The following PNLIPRP3 variants were observed in gnomAD, a reference collection of about 807,000 sequenced individuals.
PNLIPRP3 encodes pancreatic lipase related protein 3.
In PNLIPRP3, 58 loss-of-function variants were observed where a neutral mutation model predicts 52.8. The observed-to-expected ratio is 1.10, with a 90% CI of 0.89 to 1.37. The LOEUF (loss-of-function observed/expected upper bound fraction) is 1.37, where lower values mean the gene tolerates loss of function less well. Ranked by LOEUF, PNLIPRP3 falls within the 40% of genes most tolerant of loss-of-function variation. The probability of loss-of-function intolerance (pLI) is 0.00; values close to 1 mark genes in which losing one functional copy is unlikely to be tolerated. For missense variants in PNLIPRP3, 593 were observed against 561.6 expected (o/e 1.06, Z -0.57); for synonymous variants, 192 against 185.0 (o/e 1.04, Z -0.31).
intron 4 of PNLIPRP3, among the ~76,000 whole-genome samples, chr10:116,455,089 T>A (rs1386849919): frequency 6.6e-6 from 1 of 152,238 alleles, no homozygotes; most frequent in East Asian, 1.9e-4. Context: ...TGAGGTGATA[T>A]CTCATTGTGA....
rs1897519 is a variant in PNLIPRP3, at chr10:116,471,851, A to G, written c.1144A>G (p.Arg382Gly). 1,596,220 of 1,606,252 alleles carry G rather than the reference A, an allele frequency of 0.99. 793,589 individuals carry two copies. Among genetic ancestry groups the G allele is most frequent in the East Asian group, 1 (44,744 of 44,744 alleles). The change falls in exon 10 of 12, where the codon AGG (arginine) becomes GGG (glycine). Residue 382 changes from arginine (R) to glycine (G), a missense_variant. By Grantham distance (125) the Arg-to-Gly change is moderately radical (BLOSUM62 -2). Coordinates refer to ENST00000369230, the MANE Select transcript of PNLIPRP3 (RefSeq NM_001011709.3). ...CTTTCTTCGTGTAGGCGGGGCAGTT[A>G]GGAAAACTGGGGAGTTTGCCATTGT... ...TVFLRVGGAV[R>G]KTGEFAIVSG...
chr10:116,433,492 A>C (rs1305858506), intron 1 of PNLIPRP3, among the ~76,000 whole-genome samples: 1 of 152,204 alleles, frequency 6.6e-6, no homozygotes, highest in Non-Finnish European at 1.5e-5. Context: ...TTAAAATAAC[A>C]ACGGGTTTTC....
intron 1 of PNLIPRP3, among the ~76,000 whole-genome samples, chr10:116,428,355 C>T (rs1424314659): frequency 6.6e-6 from 1 of 152,064 alleles, no homozygotes; most frequent in Non-Finnish European, 1.5e-5. Flanking sequence ...GCCGGACAGT[C>T]TTGTGTTGGG....
chr10:116,472,896 T>C lies in PNLIPRP3; in HGVS notation c.1172+1017T>C, dbSNP rs144234970. 8.4e-3 allele frequency among the ~76,000 whole-genome samples: 1,283 copies of C among 152,350 alleles called. 14 individuals are homozygous for C. Among genetic ancestry groups the C allele is most frequent in the African/African-American group, 0.029 (1,193 of 41,582 alleles). On this transcript the variant is annotated intron_variant, in intron 10 of 11. Coordinates refer to ENST00000369230, the MANE Select transcript of PNLIPRP3 (RefSeq NM_001011709.3). ...TTTCTTTGCTGCAGATACTTTTTCCTGTCTGCTATTTTGTTTCTACCTCTT... is the reference window on the plus strand; with the variant it reads ...TTTCTTTGCTGCAGATACTTTTTCCCGTCTGCTATTTTGTTTCTACCTCTT...
chr10:116,444,619 T>TG, intron 4 of PNLIPRP3, 106 bp downstream of exon 4: 1 of 1,110,010 alleles, frequency 9.0e-7, no homozygotes, highest in East Asian at 2.4e-5. Context: ...AGACAGGTAC[T>TG]GAACATGTGA....
At position 116,436,828 on chromosome 10, in the gene PNLIPRP3, T is replaced by C; in HGVS notation, c.167T>C (p.Phe56Ser). The C allele has an allele frequency of 6.2e-7, 1 of 1,613,280 alleles. No homozygotes were observed. Among genetic ancestry groups the C allele is most frequent in the South Asian group, 1.1e-5 (1 of 90,952 alleles). ...PWSPEKINTR[F>S]LLYTIHNPNA... Reference sequence around the variant, plus strand: ...TCTCCAGAGAAGATAAACACTCGTTTCCTGCTCTACACTATACACAATCCC... The same window carrying C: ...TCTCCAGAGAAGATAAACACTCGTTCCCTGCTCTACACTATACACAATCCC... Residue 56 changes from phenylalanine to serine, a missense_variant, in exon 2 of 12, where the codon TTC becomes TCC. Coordinates refer to ENST00000369230, the MANE Select transcript of PNLIPRP3 (RefSeq NM_001011709.3).
chr10:116,447,557 G>T (rs10885936), intron 4 of PNLIPRP3, among the ~76,000 whole-genome samples: 134,715 of 152,156 alleles, frequency 0.89, 60,632 homozygotes, highest in Non-Finnish European at 0.97. Flanking sequence ...TCAGGAGAAT[G>T]AATATTGCAT....
chr10:116,464,809 C>A (rs1344618568), intron 7 of PNLIPRP3, among the ~76,000 whole-genome samples: 1 of 152,250 alleles, frequency 6.6e-6, no homozygotes. Flanking sequence ...TGTTCCCACC[C>A]TCTGCACAGT....
intron 4 of PNLIPRP3, among the ~76,000 whole-genome samples, chr10:116,455,181 A>G (rs1350749039): frequency 6.6e-6 from 1 of 152,212 alleles, no homozygotes; most frequent in Non-Finnish European, 1.5e-5. Flanking sequence ...TCTTCTTTTG[A>G]TAACTATTCA....
intron 1 of PNLIPRP3, among the ~76,000 whole-genome samples, chr10:116,433,171 C>T (rs1845731690): frequency 9.1e-6 from 1 of 110,260 alleles, no homozygotes. Context: ...AAGCCTTTTC[C>T]AAACAAAACA....
At chr10:116,466,025 A>G (rs1846277203) in intron 7 of PNLIPRP3, 25 bp from the exon 8 acceptor site, 1 of 1,483,434 alleles carries the variant, frequency 6.7e-7, no homozygotes, top group Non-Finnish European at 9.4e-7. Flanking sequence ...AATTGCTATC[A>G]GTTAATTGGG....
At chr10:116,440,245 G>A (rs1329681734) in intron 2 of PNLIPRP3, among the ~76,000 whole-genome samples, 4 of 152,088 alleles carry the variant, frequency 2.6e-5, no homozygotes, top group Admixed American at 2.0e-4. Flanking sequence ...TATATAAGTG[G>A]CCATGCACTT....
intron 5 of PNLIPRP3, among the ~76,000 whole-genome samples, chr10:116,458,405 C>T (rs1471085307): frequency 1.3e-5 from 2 of 151,598 alleles, no homozygotes; most frequent in African/African-American, 4.8e-5. Flanking sequence ...TATCCTAGAA[C>T]AACAAATTCA....
chr10:116,469,764 A>G (rs1846336830), intron 9 of PNLIPRP3, among the ~76,000 whole-genome samples: 1 of 152,212 alleles, frequency 6.6e-6, no homozygotes, highest in South Asian at 2.1e-4. Flanking sequence ...GGGAGAGACA[A>G]ATCAGGTCAG....
intron 5 of PNLIPRP3, among the ~76,000 whole-genome samples, chr10:116,457,362 G>GCT (rs60476312): frequency 0.11 from 16,292 of 151,668 alleles, 2,122 homozygotes; most frequent in East Asian, 0.5. Context: ...GTACGTGCTC[G>GCT]CTCTCTCTCT....
intron 9 of PNLIPRP3, among the ~76,000 whole-genome samples, chr10:116,471,116 A>G (rs1447682632): frequency 6.6e-6 from 1 of 152,084 alleles, no homozygotes; most frequent in Non-Finnish European, 1.5e-5. Flanking sequence ...GAAGAATTGC[A>G]TTTTTTCAGT....
At chr10:116,465,367 T>C (rs1386404276) in intron 7 of PNLIPRP3, among the ~76,000 whole-genome samples, 1 of 151,928 alleles carries the variant, frequency 6.6e-6, no homozygotes, top group Non-Finnish European at 1.5e-5. Flanking sequence ...AAACCCCGTC[T>C]CTACTAAAAA....
At chr10:116,452,779 GC>G (rs767597437) in intron 4 of PNLIPRP3, among the ~76,000 whole-genome samples, 3 of 152,250 alleles carry the variant, frequency 2.0e-5, no homozygotes, top group Non-Finnish European at 2.9e-5. Flanking sequence ...AAGCTTGGCA[GC>G]TTCCACCTAG....
intron 5 of PNLIPRP3, among the ~76,000 whole-genome samples, chr10:116,457,223 C>T (rs1055044177): frequency 2.0e-5 from 3 of 152,164 alleles, no homozygotes; most frequent in Admixed American, 2.0e-4. Context: ...TATTATATCA[C>T]ATGGTCTTAT....
Sources: allele counts gnomAD v4.1 joint callset (sites outside exome capture counted in the v4.1 genomes callset), GRCh38; gene constraint gnomAD v4.1.1; transcripts MANE v1.5; gene names NCBI Gene and HGNC (gene_info 2026-07-23, HGNC 2026-07-21).